SDK1: variants seen among roughly 807,000 people sequenced by gnomAD.
SDK1 encodes sidekick cell adhesion molecule 1, also known as protein sidekick-1.
Under a neutral mutation model 245.5 loss-of-function variants are expected in SDK1, and 157 were observed. The observed-to-expected ratio is 0.64, with a 90% CI of 0.56 to 0.73. The LOEUF (loss-of-function observed/expected upper bound fraction) is 0.73, where lower values mean the gene tolerates loss of function less well. Among genes scored for constraint, SDK1 ranks in the 30% least tolerant of loss-of-function variants. The pLI is 0.00. For missense variants in SDK1, 3,583 were observed against 3,002.3 expected (o/e 1.19, Z -4.52); for synonymous variants, 1,647 against 1,278.5 (o/e 1.29, Z -6.15).
At chr7:3,456,092 T>C (rs746403433) in intron 1 of SDK1, among the ~76,000 whole-genome samples, 2 of 152,222 alleles carry the variant, frequency 1.3e-5, no homozygotes, top group Non-Finnish European at 2.9e-5. Flanking sequence ...TTGAGAAGTC[T>C]GCTATTATTT....
At chr7:4,208,948 AG>A (rs1259450928) in intron 37 of SDK1, among the ~76,000 whole-genome samples, 1 of 152,182 alleles carries the variant, frequency 6.6e-6, no homozygotes, top group African/African-American at 2.4e-5. Context: ...GAGCTCTCCA[AG>A]GCCCTCTGTA....
chr7:3,685,958 T>C (rs1269164703), intron 4 of SDK1, among the ~76,000 whole-genome samples: 1 of 152,124 alleles, frequency 6.6e-6, no homozygotes, highest in Non-Finnish European at 1.5e-5. Flanking sequence ...CCTAGATTTA[T>C]AGAATGAATG....
At chr7:4,005,626 ACCT>A (rs1455004787) in intron 14 of SDK1, among the ~76,000 whole-genome samples, 1 of 151,690 alleles carries the variant, frequency 6.6e-6, no homozygotes, top group African/African-American at 2.4e-5. Context: ...GCGCAGTAAG[ACCT>A]CCTCCCCAAG....
At chr7:3,767,545 T>C (rs978168752) in intron 4 of SDK1, among the ~76,000 whole-genome samples, 5 of 152,018 alleles carry the variant, frequency 3.3e-5, no homozygotes, top group Non-Finnish European at 5.9e-5. Context: ...TACATAGGCT[T>C]ACTCTATGCC....
chr7:3,987,252 G>T lies in SDK1; in HGVS notation c.2061G>T (p.Val687=), dbSNP rs1169043245. The T allele has an allele frequency of 6.2e-7, 1 of 1,613,932 alleles. No individual in the cohort carries two copies. The highest frequency in any genetic ancestry group is 1.1e-5 in the South Asian group (1 of 91,072). Residue 687 remains valine, a synonymous_variant, in exon 14 of 45, where the codon GTG becomes GTT. Coordinates refer to ENST00000404826, the MANE Select transcript of SDK1 (RefSeq NM_152744.4). ...ATTCTTCCCACAGCCACGCCGTGGT[G>T]CTCTCTTGGGTCCGGCCCTTTGATG... ...SPNSSHSHAV[V]LSWVRPFDGN...
At position 4,067,914 on chromosome 7, in the gene SDK1, G is replaced by A; in HGVS notation, c.2988G>A (p.Leu996=). 1 of 1,611,916 alleles carries A rather than the reference G, an allele frequency of 6.2e-7. No homozygotes were observed. The highest frequency in any genetic ancestry group is 8.5e-7 in the Non-Finnish European group (1 of 1,178,856). ...TSLKVSWQEP[L]EKNGIITGYQ... is the part of the protein sequence containing the mutation. ...TCAAGGTCAGCTGGCAGGAGCCCCT[G>A]GAGAAAAATGGCATCATTACTGGTA... Residue 996 remains leucine (L), a synonymous_variant, in exon 20 of 45, where the codon CTG becomes CTA. Transcript: ENST00000404826.
chr7:3,307,451 A>G (rs1015734989), intron 1 of SDK1, among the ~76,000 whole-genome samples: 3 of 152,170 alleles, frequency 2.0e-5, no homozygotes, highest in Non-Finnish European at 4.4e-5. Context: ...TCTGTTCTGG[A>G]GAGGTTACTA....
intron 1 of SDK1, among the ~76,000 whole-genome samples, chr7:3,329,708 G>C (rs1435575175): frequency 1.3e-5 from 2 of 152,112 alleles, no homozygotes; most frequent in African/African-American, 4.8e-5. Context: ...ACTACAGTTG[G>C]TTCTCTGCAT....
chr7:4,199,993 G>A (rs1006272496), intron 35 of SDK1, among the ~76,000 whole-genome samples: 5 of 152,220 alleles, frequency 3.3e-5, no homozygotes, highest in Non-Finnish European at 1.5e-5. Flanking sequence ...TACTCAGGAG[G>A]CTGAGGCAGG....
intron 4 of SDK1, among the ~76,000 whole-genome samples, chr7:3,650,792 C>G (rs1782990147): frequency 6.6e-6 from 1 of 151,310 alleles, no homozygotes; most frequent in Admixed American, 6.6e-5. Context: ...GTTGTGTAGA[C>G]AGAATCATGC....
At chr7:3,345,425 A>G (rs1262787749) in intron 1 of SDK1, among the ~76,000 whole-genome samples, 1 of 152,180 alleles carries the variant, frequency 6.6e-6, no homozygotes, top group African/African-American at 2.4e-5. Context: ...GAATTTCCTG[A>G]AAAAAATTAC....
intron 1 of SDK1, among the ~76,000 whole-genome samples, chr7:3,378,486 T>G (rs978557360): frequency 1.3e-5 from 2 of 152,152 alleles, no homozygotes; most frequent in Admixed American, 6.5e-5. Context: ...GTATCAGCCA[T>G]GTACCCAGGG....
At chr7:4,260,587 T>G (rs1410695905) in intron 44 of SDK1, among the ~76,000 whole-genome samples, 248 of 109,330 alleles carry the variant, frequency 2.3e-3, no homozygotes, top group South Asian at 4.7e-3. Flanking sequence ...CCGGGGCCTC[T>G]GTGTGTGTGG....
At chr7:3,472,088 T>G (rs1781202331) in intron 1 of SDK1, among the ~76,000 whole-genome samples, 1 of 152,204 alleles carries the variant, frequency 6.6e-6, no homozygotes, top group Non-Finnish European at 1.5e-5. Flanking sequence ...GCAGGTCCTT[T>G]CTTATCCTTT....
At chr7:3,901,883 A>G (rs1317096572) in intron 5 of SDK1, among the ~76,000 whole-genome samples, 2 of 152,148 alleles carry the variant, frequency 1.3e-5, no homozygotes, top group African/African-American at 2.4e-5. Context: ...AATATGTTAT[A>G]ATATCCCGTT....
At chr7:3,346,908 T>C (rs1780523552) in intron 1 of SDK1, among the ~76,000 whole-genome samples, 1 of 140,308 alleles carries the variant, frequency 7.1e-6, no homozygotes, top group African/African-American at 2.7e-5. Flanking sequence ...TGGGCTCAAG[T>C]GATCCTCCTG....
intron 4 of SDK1, among the ~76,000 whole-genome samples, chr7:3,759,236 A>G (rs1299717179): frequency 2.0e-5 from 3 of 152,234 alleles, no homozygotes; most frequent in Non-Finnish European, 4.4e-5. Context: ...AAAATGCTGT[A>G]CTTTCTGAAG....
chr7:3,407,057 C>T (rs2128575900), intron 1 of SDK1, among the ~76,000 whole-genome samples: 1 of 152,270 alleles, frequency 6.6e-6, no homozygotes, highest in Middle Eastern at 3.4e-3. Context: ...TATCCTTTCA[C>T]CCAGAATTGC....
At chr7:3,394,266 A>G (rs1019950884) in intron 1 of SDK1, among the ~76,000 whole-genome samples, 3 of 152,004 alleles carry the variant, frequency 2.0e-5, no homozygotes, top group African/African-American at 7.3e-5. Context: ...TGGATATCCA[A>G]TTGTTCTGGT....
Sources: allele counts gnomAD v4.1 joint callset (sites outside exome capture counted in the v4.1 genomes callset), GRCh38; gene constraint gnomAD v4.1.1; transcripts MANE v1.5; gene names NCBI Gene and HGNC (gene_info 2026-07-23, HGNC 2026-07-21).